The following FRMD4A variants were observed in gnomAD, a reference collection of about 807,000 sequenced individuals.
The protein encoded by FRMD4A is FERM domain-containing protein 4A.
A neutral mutation model predicts 129.1 loss-of-function variants in FRMD4A; 29 were observed. The ratio of observed to expected loss-of-function variants is 0.22; its 90% CI spans 0.17 to 0.31. The LOEUF is 0.31. Among genes scored for constraint, FRMD4A ranks in the 10% least tolerant of loss-of-function variants. The pLI, the probability that FRMD4A is intolerant of heterozygous loss-of-function variation, is 1.00. For missense variants in FRMD4A, 1,272 were observed against 1,375.8 expected, an observed-to-expected ratio of 0.92 and a Z score of 1.19; for synonymous variants, 634 against 571.6, an observed-to-expected ratio of 1.11 and a Z score of -1.56.
chr10:14,002,176 AAAACCCTTTCACCT>A (rs1045971098), intron 2 of FRMD4A, among the ~76,000 whole-genome samples: 1 of 152,222 alleles, frequency 6.6e-6, no homozygotes, highest in African/African-American at 2.4e-5. Flanking sequence ...CAGACACACA[AAAACCCTTTCACCT>A]AAAGTATTGG....
chr10:13,748,069 G>A (rs1343341925), intron 8 of FRMD4A, among the ~76,000 whole-genome samples: 1 of 152,130 alleles, frequency 6.6e-6, no homozygotes, highest in Non-Finnish European at 1.5e-5. Context: ...GATGGCCAGG[G>A]GTGTCTTCCC....
intron 15 of FRMD4A, among the ~76,000 whole-genome samples, chr10:13,688,349 A>G (rs190184010): frequency 1.3e-5 from 2 of 152,002 alleles, no homozygotes; most frequent in Non-Finnish European, 2.9e-5. Context: ...AAGAATGAGA[A>G]CACATGGACA....
intron 2 of FRMD4A, among the ~76,000 whole-genome samples, chr10:14,308,343 T>C (rs1433322414): frequency 2.0e-5 from 3 of 152,234 alleles, no homozygotes; most frequent in African/African-American, 7.2e-5. Flanking sequence ...AAAGAAAATT[T>C]ACATCTCGTC....
chr10:13,805,912 G>A (rs2093350505), intron 4 of FRMD4A, among the ~76,000 whole-genome samples: 1 of 151,602 alleles, frequency 6.6e-6, no homozygotes, highest in Non-Finnish European at 1.5e-5. Context: ...AGGCTGGAGT[G>A]CGTGGCGTGA....
In FRMD4A at chr10:13,916,329, G is replaced by A. The variant is rs556832371; in HGVS notation, c.46-57417C>T. The stretch of plus-strand genomic sequence containing the variant: ...TCTATGGCTGGTCCTCACACTCCGA[G>A]GATCCTGGATCTCACTTTTCCTTTG... On this transcript the variant is annotated intron_variant, in intron 2 of 24. Coordinates refer to ENST00000357447, the MANE Select transcript of FRMD4A (RefSeq NM_018027.5). Among the ~76,000 whole-genome samples the A allele has an allele frequency of 5.9e-5, 9 of 152,270 alleles. No individual in the cohort carries two copies. The South Asian group carries it at 1.9e-3, about 32-fold the overall frequency.
intron 2 of FRMD4A, among the ~76,000 whole-genome samples, chr10:14,085,229 G>A (rs1424630157): frequency 2.0e-5 from 3 of 152,124 alleles, no homozygotes; most frequent in Admixed American, 6.5e-5. Context: ...AGATGAAGAC[G>A]CACAACTGAC....
chr10:14,330,174 C>T lies in FRMD4A; in HGVS notation c.-72G>A. Reference sequence around the variant, plus strand: ...TGGGCCCCGGGTGGCTACAGAGCATCCAAAAGCACCTGCAGAAAAAGCAGC... The same window carrying T: ...TGGGCCCCGGGTGGCTACAGAGCATTCAAAAGCACCTGCAGAAAAAGCAGC... On this transcript the variant is annotated 5_prime_UTR_variant, in exon 2 of 25. Transcript: ENST00000357447. 5 of 1,467,466 alleles carry T rather than the reference C, an allele frequency of 3.4e-6. No homozygotes were observed. In the Admixed American group the frequency reaches 9.8e-5, roughly 29 times the overall value. The allele number at this position is 1,467,466 out of a possible 1,614,324, so 90.9% of individuals were successfully genotyped here. A position where few individuals can be genotyped will look rare whatever the true frequency, so the allele number is the denominator to read the frequency against.
chr10:14,206,268 A>C (rs1334291749), intron 2 of FRMD4A, among the ~76,000 whole-genome samples: 11 of 152,218 alleles, frequency 7.2e-5, no homozygotes, highest in Non-Finnish European at 1.5e-5. Flanking sequence ...TCCCAGCAAC[A>C]AACTGACAAC....
chr10:13,970,645 G>A (rs924390675), intron 2 of FRMD4A, among the ~76,000 whole-genome samples: 4 of 152,086 alleles, frequency 2.6e-5, no homozygotes, highest in Non-Finnish European at 5.9e-5. Context: ...AAAAATGAGC[G>A]ACACCCCCCT....
At chr10:13,649,525 T>A (rs2081376302) in intron 24 of FRMD4A, 2 of 143,046 alleles carry the variant, frequency 1.4e-5, no homozygotes. Context: ...ACCACTGGCC[T>A]GCTCCTGCCT....
At chr10:14,257,520 C>G (rs902791422) in intron 2 of FRMD4A, among the ~76,000 whole-genome samples, 4 of 152,082 alleles carry the variant, frequency 2.6e-5, no homozygotes, top group Non-Finnish European at 5.9e-5. Context: ...GGTATCCCCT[C>G]GAAAATGCAT....
chr10:14,245,447 C>T (rs1844199448), intron 2 of FRMD4A, among the ~76,000 whole-genome samples: 1 of 152,148 alleles, frequency 6.6e-6, no homozygotes, highest in Non-Finnish European at 1.5e-5. Context: ...AGAGTATTTG[C>T]AGCATTCAAA....
intron 12 of FRMD4A, among the ~76,000 whole-genome samples, chr10:13,736,721 A>G (rs2090649112): frequency 6.6e-6 from 1 of 152,234 alleles, no homozygotes; most frequent in African/African-American, 2.4e-5. Flanking sequence ...TAATGGCCCA[A>G]TATTGCTTTC....
intron 23 of FRMD4A, chr10:13,652,512 A>G (rs1242854328): frequency 6.4e-6 from 1 of 155,932 alleles, no homozygotes; most frequent in Non-Finnish European, 1.4e-5. Flanking sequence ...TATATGAAAG[A>G]TGTGTCATTC....
intron 14 of FRMD4A, 149 bp from the exon 15 acceptor site, chr10:13,694,188 T>C: frequency 1.8e-6 from 1 of 571,356 alleles, no homozygotes; most frequent in East Asian, 3.2e-5. Flanking sequence ...TTGCATCCCT[T>C]GGCCTCATCA....
At chr10:13,964,502 A>G (rs1023548912) in intron 2 of FRMD4A, among the ~76,000 whole-genome samples, 21 of 151,928 alleles carry the variant, frequency 1.4e-4, no homozygotes, top group African/African-American at 5.1e-4. Flanking sequence ...GGCAATAGAG[A>G]GGACAGAGGT....
intron 2 of FRMD4A, among the ~76,000 whole-genome samples, chr10:14,317,922 T>C (rs1396228179): frequency 6.6e-6 from 1 of 152,132 alleles, no homozygotes; most frequent in Non-Finnish European, 1.5e-5. Context: ...GCTAGAAAAT[T>C]CAAAGTATAT....
intron 2 of FRMD4A, among the ~76,000 whole-genome samples, chr10:13,933,876 C>A (rs535791730): frequency 6.6e-6 from 1 of 152,276 alleles, no homozygotes; most frequent in East Asian, 1.9e-4. Context: ...GGGAAAAGCT[C>A]ATTTCTATGA....
chr10:13,991,075 T>C (rs1269410591), intron 2 of FRMD4A, among the ~76,000 whole-genome samples: 1 of 152,196 alleles, frequency 6.6e-6, no homozygotes, highest in African/African-American at 2.4e-5. Context: ...GCGGTTTTCC[T>C]AAAACACTGT....
Sources: gnomAD v4.1 joint callset for allele counts (sites outside exome capture counted in the v4.1 genomes callset) on GRCh38, gnomAD v4.1.1 for gene constraint, MANE v1.5 for transcripts, NCBI Gene and HGNC (gene_info 2026-07-23, HGNC 2026-07-21) for gene names.